RHBDF2: variants seen among roughly 807,000 people sequenced by gnomAD.
RHBDF2 encodes the protein rhomboid 5 homolog 2.
A neutral mutation model predicts 95.2 loss-of-function variants in RHBDF2; 38 were observed. That is an observed-to-expected ratio of 0.40 (90% confidence interval 0.31 to 0.52). The LOEUF (loss-of-function observed/expected upper bound fraction) is 0.52. RHBDF2 is among the 20% of genes least tolerant of loss of function. The probability of loss-of-function intolerance (pLI) is 0.56; values close to 1 mark genes in which losing one functional copy is unlikely to be tolerated. For missense variants in RHBDF2, 863 were observed against 1,137.7 expected, an observed-to-expected ratio of 0.76 and a Z score of 3.47; for synonymous variants, 442 against 462.0, an observed-to-expected ratio of 0.96 and a Z score of 0.55.
rs914418621 is a variant in RHBDF2, at chr17:76,479,645, G to C, written c.272+88C>G. On this transcript the variant is annotated intron_variant, in intron 4 of 18. Transcript: ENST00000675367. ...GGCCTCCTCCTTCCAGAGAGGGGAC[G>C]CAGGGACCAGGCCCAATCATGTCCA... The C allele has an allele frequency of 2.5e-5, 25 of 1,005,628 alleles. No homozygotes were observed. The South Asian group carries it at 3.5e-4, about 14-fold the overall frequency. 62.3% of individuals were successfully genotyped at this position (1,005,628 alleles called of 1,614,324 possible). A position where few individuals can be genotyped will look rare whatever the true frequency, so the allele number is the denominator to read the frequency against.
intron 1 of RHBDF2, among the ~76,000 whole-genome samples, chr17:76,488,455 G>C (rs575979418): frequency 1.3e-5 from 2 of 151,872 alleles, no homozygotes; most frequent in Admixed American, 6.6e-5. Flanking sequence ...AGCCGAGATT[G>C]TGCCATTACA....
intron 2 of RHBDF2, among the ~76,000 whole-genome samples, chr17:76,487,158 C>A (rs906595776): frequency 9.9e-5 from 15 of 151,688 alleles, no homozygotes; most frequent in African/African-American, 3.6e-4. Flanking sequence ...TGGGTTTCTC[C>A]ATGTTGGTCA....
At chr17:76,491,432 T>TG (rs397781877) in intron 1 of RHBDF2, among the ~76,000 whole-genome samples, 41,428 of 146,944 alleles carry the variant, frequency 0.28, 6,126 homozygotes, top group Middle Eastern at 0.39. Context: ...GGCAATCAGT[T>TG]GGGGGGGGGT....
intron 9 of RHBDF2, 70 bp from the exon 10 acceptor site, chr17:76,475,211 A>C: frequency 8.6e-7 from 1 of 1,162,844 alleles, no homozygotes; most frequent in African/African-American, 1.5e-5. Flanking sequence ...CCACAGGGCC[A>C]CCCTGGCCTG....
At position 76,473,112 on chromosome 17, in the gene RHBDF2, G is replaced by A. The variant is rs1040590858; in HGVS notation, c.1810-7C>T. The A allele has an allele frequency of 2.5e-6, 4 of 1,611,556 alleles. No homozygotes were observed. The highest frequency in any genetic ancestry group is 3.4e-6 in the Non-Finnish European group (4 of 1,177,696). ...CCTTGTCCAAGCAGTGCACCTGGGA[G>A]TGGGCATATGGTGCTCAGCGCCCCA... On this transcript the variant is annotated splice_polypyrimidine_tract_variant and splice_region_variant and intron_variant, in intron 16 of 18. Coordinates refer to ENST00000675367, the MANE Select transcript of RHBDF2 (RefSeq NM_001005498.4).
intron 1 of RHBDF2, among the ~76,000 whole-genome samples, chr17:76,496,754 T>A (rs945615838): frequency 2.6e-5 from 4 of 151,912 alleles, no homozygotes; most frequent in African/African-American, 4.8e-5. Context: ...CTCTTCCAGA[T>A]CTCTTTTTTT....
chr17:76,478,763 A>C, intron 6 of RHBDF2, 43 bp downstream of exon 6: 1 of 1,535,422 alleles, frequency 6.5e-7, no homozygotes, highest in Non-Finnish European at 8.9e-7. Flanking sequence ...CAAGGAAGGG[A>C]GGCCGGGCAG....
At chr17:76,492,866 G>A (rs1306286502) in intron 1 of RHBDF2, among the ~76,000 whole-genome samples, 7 of 152,190 alleles carry the variant, frequency 4.6e-5, no homozygotes, top group African/African-American at 1.4e-4. Flanking sequence ...GGGTGGGACG[G>A]GACAGGCCCT....
chr17:76,501,171 C>G (rs2074570413), intron 1 of RHBDF2, 182 bp downstream of exon 1: 1 of 152,274 alleles, frequency 6.6e-6, no homozygotes, highest in African/African-American at 2.4e-5. Flanking sequence ...CTGAGCCAGC[C>G]CGGGCCTCCA....
chr17:76,480,051 G>GTGTATATA (rs1363176782), intron 3 of RHBDF2, 197 bp from the exon 4 acceptor site: 4 of 39,888 alleles, frequency 1.0e-4, no homozygotes, highest in Non-Finnish European at 2.0e-4. Context: ...GTTTGTATAT[G>GTGTATATA]TATATATATA....
chr17:76,472,280 T>C (rs2073601150), intron 18 of RHBDF2: 1 of 600,702 alleles, frequency 1.7e-6, no homozygotes, highest in Non-Finnish European at 2.9e-6. Context: ...TGTGGGTCCG[T>C]AGCAATAAGC....
At chr17:76,474,707 T>C in intron 11 of RHBDF2, 23 bp downstream of exon 11, 1 of 1,614,148 alleles carries the variant, frequency 6.2e-7, no homozygotes, top group Non-Finnish European at 8.5e-7. Context: ...GCTCAGATGA[T>C]GTCCCCCAGC....
chr17:76,477,099 G>T, intron 8 of RHBDF2, 75 bp from the exon 9 acceptor site: 1 of 1,610,878 alleles, frequency 6.2e-7, no homozygotes, highest in East Asian at 2.2e-5. Context: ...GCTCAGAAGG[G>T]GCTTGGGGGC....
intron 6 of RHBDF2, among the ~76,000 whole-genome samples, chr17:76,478,391 G>A (rs951351268): frequency 5.9e-5 from 9 of 152,178 alleles, no homozygotes; most frequent in South Asian, 2.1e-4. Flanking sequence ...GATAACAGCC[G>A]CTCTCCTAAA....
chr17:76,500,054 G>T (rs191321704), intron 1 of RHBDF2, among the ~76,000 whole-genome samples: 7 of 152,274 alleles, frequency 4.6e-5, no homozygotes, highest in African/African-American at 1.7e-4. Context: ...TCTCATTCAG[G>T]TTTATTCCAA....
intron 1 of RHBDF2, among the ~76,000 whole-genome samples, chr17:76,496,314 G>C (rs972031374): frequency 6.6e-6 from 1 of 152,176 alleles, no homozygotes. Context: ...ATCTCTATTC[G>C]ACAGGTGGGG....
chr17:76,487,202 T>C (rs1194527358), intron 2 of RHBDF2, among the ~76,000 whole-genome samples: 1 of 151,724 alleles, frequency 6.6e-6, no homozygotes, highest in African/African-American at 2.4e-5. Flanking sequence ...CCACCCGCCT[T>C]GGCCTCCCAA....
At chr17:76,498,167 CG>C (rs1210673170) in intron 1 of RHBDF2, among the ~76,000 whole-genome samples, 1 of 152,148 alleles carries the variant, frequency 6.6e-6, no homozygotes, top group Middle Eastern at 3.2e-3. Flanking sequence ...TGAAGCCGCC[CG>C]TGCCCTGAGA....
At chr17:76,490,982 T>A (rs1272576420) in intron 1 of RHBDF2, among the ~76,000 whole-genome samples, 1 of 151,938 alleles carries the variant, frequency 6.6e-6, no homozygotes. Flanking sequence ...AATGGCTAAC[T>A]GAATGGGAAG....
Sources: allele counts gnomAD v4.1 joint callset (sites outside exome capture counted in the v4.1 genomes callset), GRCh38; gene constraint gnomAD v4.1.1; transcripts MANE v1.5; gene names NCBI Gene and HGNC (gene_info 2026-07-23, HGNC 2026-07-21).